The following AFF4 variants were observed in gnomAD, a reference collection of about 807,000 sequenced individuals.
The protein encoded by AFF4 is ALF transcription elongation factor 4.
AFF4 carries 13 observed loss-of-function variants against 124.8 expected under a neutral mutation model. The ratio of observed to expected loss-of-function variants is 0.10; its 90% confidence interval spans 0.07 to 0.17. The LOEUF is 0.17. Among genes scored for constraint, AFF4 ranks in the 10% least tolerant of loss-of-function variants. AFF4 has a pLI of 1.00. For synonymous variants in AFF4, 477 were observed against 496.1 expected (o/e 0.96, Z 0.51); for missense variants, 1,092 against 1,403.8 (o/e 0.78, Z 3.55).
intron 5 of AFF4, among the ~76,000 whole-genome samples, chr5:132,909,791 G>C (rs918631455): frequency 6.6e-6 from 1 of 152,158 alleles, no homozygotes; most frequent in Non-Finnish European, 1.5e-5. Context: ...TGCATAAACT[G>C]CACTTTTGCC....
At chr5:132,924,664 G>A (rs1293805070) in intron 5 of AFF4, among the ~76,000 whole-genome samples, 1 of 152,044 alleles carries the variant, frequency 6.6e-6, no homozygotes. Flanking sequence ...GACCAGCCTG[G>A]TCAACATGGT....
In AFF4 at chr5:132,878,566, G is replaced by A. The variant is rs537871460; in HGVS notation, c.*2493C>T. ...CAGAACATCTAAGAAGATAGACATG[G>A]AGGAAAGGGAGTAGTATTTCCACAC... On this transcript the variant is annotated 3_prime_UTR_variant, in exon 21 of 21. Coordinates refer to ENST00000265343, the MANE Select transcript of AFF4 (RefSeq NM_014423.4). 3.9e-5 allele frequency: 9 copies of A among 231,502 alleles called. No homozygotes were observed. In the South Asian group the frequency reaches 1.6e-3, roughly 42 times the overall value. The allele number at this position is 231,502 out of a possible 1,614,324, so 14.3% of individuals were successfully genotyped here.
At position 132,877,289 on chromosome 5, in the gene AFF4, C is replaced by G. The variant is rs765070984; in HGVS notation, c.*3770G>C. 1 of 212,016 alleles carries G rather than the reference C, an allele frequency of 4.7e-6. No individual in the cohort carries two copies. The highest frequency in any genetic ancestry group is 2.3e-5 in the African/African-American group (1 of 44,134). 13.1% of individuals were successfully genotyped at this position (212,016 alleles called of 1,614,324 possible). On this transcript the variant is annotated 3_prime_UTR_variant, in exon 21 of 21. Coordinates refer to ENST00000265343, the MANE Select transcript of AFF4 (RefSeq NM_014423.4). ...AAAATCTTTCCCACCCTGTAAGAGC[C>G]CTACGACACTACAGAAGGGCTCAAA...
chr5:132,896,344 G>C lies in AFF4; in HGVS notation c.2286C>G (p.Asn762Lys). The C allele has an allele frequency of 6.3e-7, 1 of 1,596,228 alleles. No homozygotes were observed. The highest frequency in any genetic ancestry group is 8.5e-7 in the Non-Finnish European group (1 of 1,175,424). Residue 762 changes from asparagine to lysine, a missense_variant, in exon 11 of 21, where the codon AAC becomes AAG. Asn to Lys is a moderately conservative substitution (Grantham distance 94, BLOSUM62 0). Transcript: ENST00000265343. Reference protein sequence around the residue: ...AQKQASEKVSNKGKRKHKNED... With the variant: ...AQKQASEKVSKKGKRKHKNED... ...AAACCTTATGCTTCCTCTTGCCTTT[G>C]TTGGAAACTTTTTCTGAGGCTTGTT...
intron 1 of AFF4, among the ~76,000 whole-genome samples, chr5:132,958,299 C>CA (rs1425974040): frequency 6.6e-6 from 1 of 151,434 alleles, no homozygotes; most frequent in South Asian, 2.1e-4. Context: ...CCCATTTCTA[C>CA]AAAAAATACA....
At chr5:132,959,279 G>A (rs1762028100) in intron 1 of AFF4, among the ~76,000 whole-genome samples, 1 of 151,772 alleles carries the variant, frequency 6.6e-6, no homozygotes, top group South Asian at 2.1e-4. Context: ...GCGCCACCAT[G>A]CCCAGCTAAT....
intron 1 of AFF4, among the ~76,000 whole-genome samples, chr5:132,950,515 G>C (rs1418860737): frequency 2.6e-5 from 4 of 151,890 alleles, no homozygotes; most frequent in Admixed American, 2.0e-4. Context: ...TAGGCATGGT[G>C]GTGGGCGCCT....
In AFF4 at chr5:132,879,552, G is replaced by C. The variant is rs1028925822; in HGVS notation, c.*1507C>G. On this transcript the variant is annotated 3_prime_UTR_variant, in exon 21 of 21. Transcript: ENST00000265343. ...AGAATTGAACATTATTATTGTAGAA[G>C]ACCAATCATGTATGGACGATCTGGT... The C allele has an allele frequency of 4.9e-6, 1 of 204,676 alleles. No individual in the cohort carries two copies. Among genetic ancestry groups the C allele is most frequent in the African/African-American group, 2.3e-5 (1 of 43,850 alleles). The allele number at this position is 204,676 out of a possible 1,614,324, so 12.7% of individuals were successfully genotyped here.
intron 5 of AFF4, among the ~76,000 whole-genome samples, chr5:132,907,966 C>T (rs1290467681): frequency 6.6e-6 from 1 of 152,124 alleles, no homozygotes; most frequent in African/African-American, 2.4e-5. Context: ...AGGAGAGTTA[C>T]ACAACTACAT....
chr5:132,886,319 C>G lies in AFF4; in HGVS notation c.3090G>C (p.Glu1030Asp). The G allele has an allele frequency of 6.2e-7, 1 of 1,613,718 alleles. No homozygotes were observed. Among genetic ancestry groups the G allele is most frequent in the South Asian group, 1.1e-5 (1 of 91,028 alleles). The change falls in exon 18 of 21, where the codon GAG (glutamate) becomes GAC (aspartate). Residue 1030 changes from glutamate to aspartate, a missense_variant. This residue lies in a region of AFF4 where 173 missense variants were observed against 294.9 expected (regional missense o/e 0.59). Transcript: ENST00000265343. ...NALKYSKTLT[E>D]HLKNSYNNSQ... ...GCTTTTGCATACTTACCTTCAGGTG[C>G]TCTGTCAGTGTCTTTGAGTACTTCA...
Position 132,934,947 on chromosome 5 carries a change from A to G in AFF4, c.124-6T>C, listed in dbSNP as rs752521844. ...AACTTATCTTCTTTGCTAGTCTACAAAAAAATAAAATAAAATAAAATTATA... is the reference window on the plus strand; with the variant it reads ...AACTTATCTTCTTTGCTAGTCTACAGAAAAATAAAATAAAATAAAATTATA... On this transcript the variant is annotated splice_polypyrimidine_tract_variant and splice_region_variant and intron_variant, in intron 2 of 20. Transcript: ENST00000265343. The G allele has an allele frequency of 6.6e-7, 1 of 1,512,992 alleles. No homozygotes were observed. The highest frequency in any genetic ancestry group is 8.9e-7 in the Non-Finnish European group (1 of 1,127,488). 93.7% of individuals were successfully genotyped at this position (1,512,992 alleles called of 1,614,324 possible). A position where few individuals can be genotyped will look rare whatever the true frequency, so the allele number is the denominator to read the frequency against.
chr5:132,892,952 G>A (rs1180937193), intron 12 of AFF4, 78 bp downstream of exon 12: 6 of 1,339,588 alleles, frequency 4.5e-6, no homozygotes, highest in African/African-American at 4.3e-5. Flanking sequence ...AACACTCAGA[G>A]CATGTCAGAA....
chr5:132,932,027 A>G (rs1761311689), intron 4 of AFF4, 151 bp downstream of exon 4: 1 of 490,850 alleles, frequency 2.0e-6, no homozygotes, highest in Non-Finnish European at 3.6e-6. Flanking sequence ...CAAAGAAGAG[A>G]GTAAATTATT....
intron 1 of AFF4, among the ~76,000 whole-genome samples, chr5:132,942,522 T>C (rs1249999743): frequency 2.0e-5 from 3 of 150,388 alleles, no homozygotes; most frequent in African/African-American, 4.9e-5. Context: ...TGGAGTGCAA[T>C]GGCACCATCT....
Position 132,952,040 on chromosome 5 carries a change from T to A in AFF4, c.-5+11219A>T, listed in dbSNP as rs373432118. Among the ~76,000 whole-genome samples, 56 of 152,324 alleles carry A rather than the reference T, an allele frequency of 3.7e-4. No individual in the cohort carries two copies. In the South Asian group the frequency reaches 0.012, roughly 32 times the overall value. ...ACTTATCTACTCTCCAGATGACACA[T>A]ATTTAGGTAGTTTCCCCTTTCTCTG... On this transcript the variant is annotated intron_variant, in intron 1 of 20. Transcript: ENST00000265343.
intron 11 of AFF4, among the ~76,000 whole-genome samples, chr5:132,896,010 A>C (rs1181021409): frequency 6.6e-6 from 1 of 152,218 alleles, no homozygotes; most frequent in Non-Finnish European, 1.5e-5. Context: ...CCTAAAACCA[A>C]AATGTTGAGA....
chr5:132,935,314 T>C (rs961146025), intron 2 of AFF4, among the ~76,000 whole-genome samples: 9 of 152,228 alleles, frequency 5.9e-5, no homozygotes, highest in Admixed American at 3.9e-4. Flanking sequence ...ATAGCAAGAC[T>C]GTCTTTTAAA....
chr5:132,921,294 T>C (rs945289535), intron 5 of AFF4, among the ~76,000 whole-genome samples: 2 of 151,998 alleles, frequency 1.3e-5, no homozygotes, highest in African/African-American at 4.8e-5. Flanking sequence ...GAAATGTAAA[T>C]TGAAATCACA....
chr5:132,909,058 C>T (rs115004727), intron 5 of AFF4, among the ~76,000 whole-genome samples: 1,732 of 151,756 alleles, frequency 0.011, 27 homozygotes, highest in African/African-American at 0.038. Flanking sequence ...CATGAGGCAC[C>T]GCACCCAGCC....
Sources: allele counts gnomAD v4.1 joint callset (sites outside exome capture counted in the v4.1 genomes callset), GRCh38; gene constraint gnomAD v4.1.1; regional missense constraint gnomAD v4.1.1; transcripts MANE v1.5; gene names NCBI Gene and HGNC (gene_info 2026-07-23, HGNC 2026-07-21).